The following TRABD2B variants were observed in gnomAD, a reference collection of about 807,000 sequenced individuals.
TRABD2B encodes the protein metalloprotease TIKI2.
Under a neutral mutation model 40.1 loss-of-function variants are expected in TRABD2B, and 14 were observed. The ratio of observed to expected loss-of-function variants is 0.35; its 90% confidence interval spans 0.23 to 0.55. TRABD2B has a LOEUF of 0.55. Ranked by LOEUF, TRABD2B falls within the 20% of genes least tolerant of loss-of-function variation. The pLI is 0.90. For missense variants in TRABD2B, 541 were observed against 648.6 expected, an observed-to-expected ratio of 0.83 and a Z score of 1.80; for synonymous variants, 263 against 277.0, an observed-to-expected ratio of 0.95 and a Z score of 0.50.
rs566824903 is a variant in TRABD2B at position 47,937,055 on chromosome 1, C to T, written c.666+56979G>A. 2.0e-5 allele frequency among the ~76,000 whole-genome samples: 3 copies of T among 151,006 alleles called. No individual in the cohort carries two copies. In the South Asian group the frequency reaches 6.4e-4, roughly 32 times the overall value. ...TCATCACCATCACCACCACCACCATCATTATCATCATTATCACCATCATCA... is the reference window on the plus strand; with the variant it reads ...TCATCACCATCACCACCACCACCATTATTATCATCATTATCACCATCATCA... On this transcript the variant is annotated intron_variant, in intron 2 of 6. Coordinates refer to ENST00000606738, the MANE Select transcript of TRABD2B (RefSeq NM_001194986.2).
intron 2 of TRABD2B, among the ~76,000 whole-genome samples, chr1:47,903,510 G>A (rs1287960012): frequency 6.6e-6 from 1 of 152,120 alleles, no homozygotes; most frequent in African/African-American, 2.4e-5. Context: ...TGTGCCCCCA[G>A]GGCCCAGCAG....
intron 2 of TRABD2B, among the ~76,000 whole-genome samples, chr1:47,827,089 G>A (rs1033258074): frequency 4.6e-5 from 7 of 152,138 alleles, no homozygotes; most frequent in Non-Finnish European, 1.0e-4. Context: ...GGTGGGGAGG[G>A]CGAGGATGCA....
intron 2 of TRABD2B, among the ~76,000 whole-genome samples, chr1:47,885,369 C>T (rs776150099): frequency 2.8e-4 from 43 of 152,124 alleles, no homozygotes; most frequent in Non-Finnish European, 5.1e-4. Context: ...CACTGTGGAC[C>T]GTCTTATTTA....
intron 2 of TRABD2B, among the ~76,000 whole-genome samples, chr1:47,879,945 C>T (rs1028032534): frequency 9.9e-5 from 15 of 152,218 alleles, no homozygotes; most frequent in Non-Finnish European, 2.2e-4. Flanking sequence ...TGTGTTGATT[C>T]TTTGTCTGGA....
chr1:47,997,165 G>A lies in TRABD2B; in HGVS notation c.-376C>T. The stretch of plus-strand genomic sequence containing the variant: ...AGAACCCGGGGTGCGCAAGGGTCCC[G>A]GGGTTATGCTGGGCACCCGGGGCAC... On this transcript the variant is annotated 5_prime_UTR_variant, in exon 1 of 7. Coordinates refer to ENST00000606738, the MANE Select transcript of TRABD2B (RefSeq NM_001194986.2). 6 of 983,566 alleles carry A rather than the reference G, an allele frequency of 6.1e-6. No individual in the cohort carries two copies. The highest frequency in any genetic ancestry group is 1.8e-5 in the African/African-American group (1 of 56,772). 60.9% of individuals were successfully genotyped at this position (983,566 alleles called of 1,614,324 possible). A position where few individuals can be genotyped will look rare whatever the true frequency, so the allele number is the denominator to read the frequency against.
chr1:47,950,301 A>T (rs1256932691), intron 2 of TRABD2B, among the ~76,000 whole-genome samples: 1 of 152,006 alleles, frequency 6.6e-6, no homozygotes, highest in Non-Finnish European at 1.5e-5. Flanking sequence ...AAAAAAAAAT[A>T]ATAATAAAAA....
intron 6 of TRABD2B, 89 bp downstream of exon 6, chr1:47,775,081 G>T: frequency 8.4e-7 from 1 of 1,191,360 alleles, no homozygotes; most frequent in South Asian, 4.3e-5. Flanking sequence ...CTGGCCTGAC[G>T]ACAGTGTGCC....
chr1:47,964,541 T>A (rs1377084008), intron 2 of TRABD2B, among the ~76,000 whole-genome samples: 2 of 152,154 alleles, frequency 1.3e-5, no homozygotes, highest in African/African-American at 4.8e-5. Context: ...AATGATTGTG[T>A]CAAATTGCCA....
chr1:47,850,211 A>T (rs939834321), intron 2 of TRABD2B, among the ~76,000 whole-genome samples: 2 of 152,220 alleles, frequency 1.3e-5, no homozygotes, highest in African/African-American at 4.8e-5. Context: ...GAGCTGGCCC[A>T]GTCCCTCTCA....
chr1:47,760,644 A>G lies in TRABD2B; in HGVS notation c.*5258T>C, dbSNP rs1473013109. 1 of 152,244 alleles carries G rather than the reference A, an allele frequency of 6.6e-6. No homozygotes were observed. Among genetic ancestry groups the G allele is most frequent in the African/African-American group, 2.4e-5 (1 of 41,464 alleles). 9.4% of individuals were successfully genotyped at this position (152,244 alleles called of 1,614,324 possible). On this transcript the variant is annotated 3_prime_UTR_variant, in exon 7 of 7. Coordinates refer to ENST00000606738, the MANE Select transcript of TRABD2B (RefSeq NM_001194986.2). ...ATACTCTTAAAGGACTCTTCATGAT[A>G]ATTCACAGAGGTGAGGGGCAGAGGT...
In TRABD2B at chr1:47,994,168, C is replaced by T. The variant is rs1457878912; in HGVS notation, c.532G>A (p.Val178Met). The change falls in exon 2 of 7, where the codon GTG (valine) becomes ATG (methionine). Residue 178 changes from valine to methionine, a missense_variant. Physicochemically the swap from Val to Met is conservative, Grantham distance 21. Transcript: ENST00000606738. This position sits in a 1 kb window ranked among gnomAD's most constrained non-coding sequence, Gnocchi z 6.7. ...AGCACGGGCACACCACGGAAGCGCA[C>T]GTCCCTCTCTGTGAGCGAGTTTACC... ...LMVNSLTERD[V>M]RFRGVPVLDL... The T allele has an allele frequency of 1.3e-6, 2 of 1,537,438 alleles. No homozygotes were observed. The highest frequency in any genetic ancestry group is 2.0e-5 in the Admixed American group (1 of 51,070).
intron 2 of TRABD2B, among the ~76,000 whole-genome samples, chr1:47,905,425 T>C (rs1644662233): frequency 6.6e-6 from 1 of 152,170 alleles, no homozygotes; most frequent in Admixed American, 6.5e-5. Context: ...CCCAGACTTA[T>C]CTTTGGGCCT....
chr1:47,996,542 G>A lies in TRABD2B; in HGVS notation c.102+146C>T, dbSNP rs2148470677. The A allele has an allele frequency of 7.2e-6, 7 of 971,706 alleles. No individual in the cohort carries two copies. Among genetic ancestry groups the A allele is most frequent in the Non-Finnish European group, 9.2e-6 (7 of 763,672 alleles). 60.2% of individuals were successfully genotyped at this position (971,706 alleles called of 1,614,324 possible). ...AGCTGGAGCCGGGACAGGCAGGAGCGAAGGAAGGGCGCCCGAGGCTGCGCC... is the reference window on the plus strand; with the variant it reads ...AGCTGGAGCCGGGACAGGCAGGAGCAAAGGAAGGGCGCCCGAGGCTGCGCC... On this transcript the variant is annotated intron_variant, in intron 1 of 6. Transcript: ENST00000606738. The surrounding 1 kb of genome is among the most constrained non-coding windows in gnomAD (Gnocchi z 4.6).
chr1:47,932,485 G>C (rs1227177359), intron 2 of TRABD2B, among the ~76,000 whole-genome samples: 3 of 152,182 alleles, frequency 2.0e-5, no homozygotes, highest in Non-Finnish European at 4.4e-5. Context: ...AGGAGCTGAG[G>C]AGGGATGTGG....
At chr1:47,993,530 G>A (rs962770401) in intron 2 of TRABD2B, among the ~76,000 whole-genome samples, 1 of 152,164 alleles carries the variant, frequency 6.6e-6, no homozygotes, top group African/African-American at 2.4e-5. Context: ...AACTGATGGT[G>A]CTTAACCTCA....
intron 2 of TRABD2B, among the ~76,000 whole-genome samples, chr1:47,952,040 G>A (rs72692182): frequency 5.3e-4 from 80 of 152,310 alleles, no homozygotes; most frequent in Admixed American, 9.1e-4. Flanking sequence ...AGGGAGCAGC[G>A]ACTTCTATTG....
chr1:47,952,318 G>T (rs1297623581), intron 2 of TRABD2B, among the ~76,000 whole-genome samples: 1 of 152,098 alleles, frequency 6.6e-6, no homozygotes. Context: ...ATCCTCCCTT[G>T]CTCCCTCCTG....
At chr1:47,796,078 T>G (rs1351145616) in intron 3 of TRABD2B, among the ~76,000 whole-genome samples, 1 of 152,230 alleles carries the variant, frequency 6.6e-6, no homozygotes, top group African/African-American at 2.4e-5. Context: ...TGTCCCTTTC[T>G]GACCACAGTT....
intron 3 of TRABD2B, among the ~76,000 whole-genome samples, chr1:47,799,651 G>A (rs1644792494): frequency 6.6e-6 from 1 of 152,048 alleles, no homozygotes; most frequent in Non-Finnish European, 1.5e-5. Context: ...AGTACTGATG[G>A]AACACCATGG....
Sources: allele counts gnomAD v4.1 joint callset (sites outside exome capture counted in the v4.1 genomes callset), GRCh38; gene constraint gnomAD v4.1.1; non-coding constraint Gnocchi (gnomAD v3.1); transcripts MANE v1.5; gene names NCBI Gene and HGNC (gene_info 2026-07-23, HGNC 2026-07-21).